Variants in EXOG observed in about 807,000 individuals in gnomAD.
EXOG encodes nuclease EXOG, mitochondrial.
A neutral mutation model predicts 25.8 loss-of-function variants in EXOG; 27 were observed. The observed-to-expected ratio is 1.05, with a 90% CI of 0.77 to 1.45. The LOEUF is 1.45. Ranked by LOEUF, EXOG falls within the 40% of genes most tolerant of loss-of-function variation. The pLI is 0.00. For synonymous variants in EXOG, 133 were observed against 167.0 expected (o/e 0.80, Z 1.57); for missense variants, 458 against 450.5 (o/e 1.02, Z -0.15).
intron 1 of EXOG, chr3:38,497,209 C>T (rs1011592225): frequency 1.4e-5 from 14 of 1,007,434 alleles, no homozygotes; most frequent in Non-Finnish European, 1.4e-5. Flanking sequence ...GAGAAGGCAT[C>T]GGGGAGGATT....
At position 38,503,673 on chromosome 3, in the gene EXOG, A is replaced by T; in HGVS notation, c.512A>T (p.Asn171Ile). 6.3e-7 allele frequency: 1 copy of T among 1,594,504 alleles called. No homozygotes were observed. Among genetic ancestry groups the T allele is most frequent in the Non-Finnish European group, 8.6e-7 (1 of 1,162,890 alleles). Residue 171 changes from asparagine to isoleucine, a missense_variant, in exon 4 of 6, where the codon AAT (asparagine) becomes ATT (isoleucine). Asn to Ile is a moderately radical substitution (Grantham distance 149, BLOSUM62 -3). Around this residue, in one of 3 missense-constraint regions of EXOG, gnomAD observed 275 missense variants for 230.5 expected, o/e 1.19. Coordinates refer to ENST00000287675, the MANE Select transcript of EXOG (RefSeq NM_005107.4). ...ATTGTGCCTCAGGATTTTGATAATA[A>T]TTCTGGATATTGGAACAGGTGAGGG... ...SNIVPQDFDN[N>I]SGYWNRIEMY...
At chr3:38,511,656 C>T (rs1445438953) in intron 5 of EXOG, among the ~76,000 whole-genome samples, 2 of 152,182 alleles carry the variant, frequency 1.3e-5, no homozygotes, top group Admixed American at 6.5e-5. Context: ...GAGCTTATCC[C>T]TTTATCTTGC....
At chr3:38,496,921 T>C in intron 1 of EXOG, 2 of 1,124,698 alleles carry the variant, frequency 1.8e-6, no homozygotes, top group Non-Finnish European at 2.3e-6. Flanking sequence ...GGTACATAAT[T>C]GGCATTCAGT....
intron 4 of EXOG, among the ~76,000 whole-genome samples, chr3:38,506,510 A>G (rs1365959196): frequency 2.0e-5 from 3 of 152,240 alleles, no homozygotes; most frequent in Non-Finnish European, 4.4e-5. Context: ...TAAATAAAGT[A>G]TATCATCTTG....
chr3:38,498,954 A>G, intron 2 of EXOG: 1 of 456,736 alleles, frequency 2.2e-6, no homozygotes, highest in South Asian at 1.5e-5. Flanking sequence ...CACTCCTAGC[A>G]TCATTGTTTC....
chr3:38,525,411 G>T lies in EXOG; in HGVS notation c.*1049G>T, dbSNP rs79750058. 1.7e-3 allele frequency: 1,712 copies of T among 985,314 alleles called. 20 individuals carry two copies. The African/African-American group carries it at 0.028, about 16-fold the overall frequency. 61.0% of individuals were successfully genotyped at this position (985,314 alleles called of 1,614,324 possible). A position where few individuals can be genotyped will look rare whatever the true frequency, so the allele number is the denominator to read the frequency against. ...GAGGCATGCTTGGCAAGAAGAGTCT[G>T]GTTTCTCGTCTGCTATGCAAGCCAA... On this transcript the variant is annotated 3_prime_UTR_variant, in exon 6 of 6. Coordinates refer to ENST00000287675, the MANE Select transcript of EXOG (RefSeq NM_005107.4).
intron 5 of EXOG, among the ~76,000 whole-genome samples, chr3:38,516,807 T>C (rs181184821): frequency 1.1e-3 from 175 of 152,312 alleles, no homozygotes; most frequent in African/African-American, 4.2e-3. Flanking sequence ...TGAATGACTT[T>C]GATATTTTTG....
Position 38,524,992 on chromosome 3 carries a change from T to C in EXOG, c.*630T>C. On this transcript the variant is annotated 3_prime_UTR_variant, in exon 6 of 6. Coordinates refer to ENST00000287675, the MANE Select transcript of EXOG (RefSeq NM_005107.4). Reference sequence around the variant, plus strand: ...AGGCAGCTTTTAGAAATCCTCTGTGTAGTTCCTGTCCACATGCACTATATA... The same window carrying C: ...AGGCAGCTTTTAGAAATCCTCTGTGCAGTTCCTGTCCACATGCACTATATA... 1.0e-6 allele frequency: 1 copy of C among 985,444 alleles called. No individual in the cohort carries two copies. The highest frequency in any genetic ancestry group is 1.2e-6 in the Non-Finnish European group (1 of 829,918). 61.0% of individuals were successfully genotyped at this position (985,444 alleles called of 1,614,324 possible). A position where few individuals can be genotyped will look rare whatever the true frequency, so the allele number is the denominator to read the frequency against.
intron 5 of EXOG, among the ~76,000 whole-genome samples, chr3:38,508,465 T>G (rs980488551): frequency 5.3e-5 from 8 of 152,018 alleles, no homozygotes; most frequent in Admixed American, 3.9e-4. Flanking sequence ...TCCAAGAGGG[T>G]GGCTGAAATG....
At chr3:38,497,575 T>C (rs946020837) in intron 1 of EXOG, 54 bp from the exon 2 acceptor site, 36 of 1,538,896 alleles carry the variant, frequency 2.3e-5, no homozygotes, top group Non-Finnish European at 3.0e-5. Context: ...ACTAATTGTG[T>C]GTGTGTGTTT....
intron 5 of EXOG, 83 bp downstream of exon 5, chr3:38,507,051 T>TATTTTC (rs1434532817): frequency 1.6e-6 from 1 of 624,436 alleles, no homozygotes; most frequent in African/African-American, 1.9e-5. Context: ...TTTTTATTTT[T>TATTTTC]ATCATTCAAA....
At chr3:38,517,302 T>G (rs2060575657) in intron 5 of EXOG, among the ~76,000 whole-genome samples, 1 of 152,262 alleles carries the variant, frequency 6.6e-6, no homozygotes, top group African/African-American at 2.4e-5. Context: ...TTACTGTGAT[T>G]GTTCATTTTG....
chr3:38,525,892 C>T lies in EXOG; in HGVS notation c.*1530C>T. On this transcript the variant is annotated 3_prime_UTR_variant, in exon 6 of 6. Transcript: ENST00000287675. The stretch of plus-strand genomic sequence containing the variant: ...CTGGCAGGTCAAGGCTGCGATGGGA[C>T]ATGGTCATGCCACTGGACGCCAGCC... 1.3e-6 allele frequency: 1 copy of T among 759,090 alleles called. No individual in the cohort carries two copies. The highest frequency in any genetic ancestry group is 1.6e-6 in the Non-Finnish European group (1 of 623,316). 47.0% of individuals were successfully genotyped at this position (759,090 alleles called of 1,614,324 possible).
intron 2 of EXOG, chr3:38,499,972 G>C: frequency 3.5e-6 from 1 of 287,388 alleles, no homozygotes; most frequent in South Asian, 3.2e-5. Context: ...CTCACCCAAG[G>C]TAGATTGTCC....
Position 38,524,971 on chromosome 3 carries a change from A to G in EXOG, c.*609A>G. On this transcript the variant is annotated 3_prime_UTR_variant, in exon 6 of 6. Transcript: ENST00000287675. ...TAGGACCTGAATTGGTCTTGGAGGCAGCTTTTAGAAATCCTCTGTGTAGTT... is the reference window on the plus strand; with the variant it reads ...TAGGACCTGAATTGGTCTTGGAGGCGGCTTTTAGAAATCCTCTGTGTAGTT... The G allele has an allele frequency of 1.0e-6, 1 of 985,478 alleles. No individual in the cohort carries two copies. Among genetic ancestry groups the G allele is most frequent in the Non-Finnish European group, 1.2e-6 (1 of 829,982 alleles). 61.0% of individuals were successfully genotyped at this position (985,478 alleles called of 1,614,324 possible).
At chr3:38,496,973 A>C (rs1381866305) in intron 1 of EXOG, 1 of 1,097,936 alleles carries the variant, frequency 9.1e-7, no homozygotes, top group Non-Finnish European at 1.1e-6. Flanking sequence ...ATTTTAGTAG[A>C]TGAGTTAACT....
intron 5 of EXOG, among the ~76,000 whole-genome samples, chr3:38,518,334 A>T (rs1464708027): frequency 1.3e-5 from 2 of 152,234 alleles, no homozygotes; most frequent in African/African-American, 2.4e-5. Flanking sequence ...ATAATTTTCT[A>T]GCAAGCAGGG....
At chr3:38,496,837 A>G (rs2125741486) in intron 1 of EXOG, 14 of 1,355,826 alleles carry the variant, frequency 1.0e-5, no homozygotes, top group Middle Eastern at 3.8e-4. Context: ...TGTGTTCTCT[A>G]CTAAGATTGT....
At chr3:38,521,088 C>T (rs2284820) in intron 5 of EXOG, among the ~76,000 whole-genome samples, 88,154 of 152,128 alleles carry the variant, frequency 0.58, 28,148 homozygotes, top group African/African-American at 0.84. Flanking sequence ...TTTCTGAATA[C>T]CCAACTAGGA....
Sources: gnomAD v4.1 joint callset for allele counts (sites outside exome capture counted in the v4.1 genomes callset) on GRCh38, gnomAD v4.1.1 for gene constraint, gnomAD v4.1.1 regional missense constraint, MANE v1.5 for transcripts, NCBI Gene and HGNC (gene_info 2026-07-23, HGNC 2026-07-21) for gene names.